Variants in BSN observed in about 807,000 individuals in gnomAD.
BSN encodes bassoon presynaptic cytomatrix protein, also known as protein bassoon.
A neutral mutation model predicts 264.8 loss-of-function variants in BSN; 57 were observed. That is an observed-to-expected ratio of 0.22 (90% confidence interval 0.17 to 0.27). The LOEUF is 0.27. Ranked by LOEUF, BSN falls within the 10% of genes least tolerant of loss-of-function variation. BSN has a pLI of 1.00. For synonymous variants in BSN, 2,059 were observed against 2,137.3 expected, an observed-to-expected ratio of 0.96 and a Z score of 1.01; for missense variants, 4,615 against 5,232.5, an observed-to-expected ratio of 0.88 and a Z score of 3.64.
At position 49,655,785 on chromosome 3, in the gene BSN, G is replaced by A. The variant is rs1216328705; in HGVS notation, c.6229G>A (p.Gly2077Arg). 3.1e-6 allele frequency: 5 copies of A among 1,613,336 alleles called. No homozygotes were observed. Among genetic ancestry groups the A allele is most frequent in the African/African-American group, 1.3e-5 (1 of 74,942 alleles). The change falls in exon 5 of 12, where the codon GGA (glycine) becomes AGA (arginine). Residue 2077 changes from glycine (G) to arginine (R), a missense_variant. Gly to Arg is a moderately radical substitution (Grantham distance 125). This residue lies in a region of BSN where 3,415 missense variants were observed against 3,866.4 expected (regional missense o/e 0.88). Transcript: ENST00000296452. ...IYSDHRYGPR[G>R]DAVGFQEASL... Reference sequence around the variant, plus strand: ...CTCAGACCACAGGTACGGCCCACGGGGAGATGCAGTTGGCTTCCAGGAGGC... The same window carrying A: ...CTCAGACCACAGGTACGGCCCACGGAGAGATGCAGTTGGCTTCCAGGAGGC...
At chr3:49,617,320 A>ATATATATAT (rs1553663322) in intron 1 of BSN, among the ~76,000 whole-genome samples, 16 of 119,814 alleles carry the variant, frequency 1.3e-4, no homozygotes, top group South Asian at 2.4e-4. Context: ...TATATATATA[A>ATATATATAT]TTTTATAATT....
At chr3:49,602,265 G>T (rs558766713) in intron 1 of BSN, among the ~76,000 whole-genome samples, 6 of 152,298 alleles carry the variant, frequency 3.9e-5, no homozygotes, top group Middle Eastern at 3.4e-3. Flanking sequence ...CCCTGGGGCA[G>T]CAGGACAACT....
intron 11 of BSN, among the ~76,000 whole-genome samples, chr3:49,666,399 C>G (rs2052714197): frequency 6.6e-6 from 1 of 152,248 alleles, no homozygotes; most frequent in Admixed American, 6.5e-5. Flanking sequence ...ATGTGCCAGG[C>G]ACTCTTCCAG....
In BSN at chr3:49,661,056, A is replaced by C; in HGVS notation, c.9211A>C (p.Thr3071Pro). ...GTATTCTGCAGGCAGTGGTGGGCCAACTCAGAACGGATTCCCAGCCCACCA... is the reference window on the plus strand; with the variant it reads ...GTATTCTGCAGGCAGTGGTGGGCCACCTCAGAACGGATTCCCAGCCCACCA... ...PQYSAGSGGP[T>P]QNGFPAHQAP... The change falls in exon 6 of 12, where the codon ACT (threonine) becomes CCT (proline). Residue 3071 changes from threonine (T) to proline (P), a missense_variant. Around this residue, in one of 3 missense-constraint regions of BSN, gnomAD observed 3,415 missense variants for 3,866.4 expected, o/e 0.88. Coordinates refer to ENST00000296452, the MANE Select transcript of BSN (RefSeq NM_003458.4). 2 of 1,611,670 alleles carry C rather than the reference A, an allele frequency of 1.2e-6. No homozygotes were observed. Among genetic ancestry groups the C allele is most frequent in the Non-Finnish European group, 1.7e-6 (2 of 1,179,832 alleles).
intron 1 of BSN, among the ~76,000 whole-genome samples, chr3:49,577,120 C>CA (rs2051850575): frequency 1.3e-5 from 2 of 152,188 alleles, no homozygotes; most frequent in Admixed American, 1.3e-4. Flanking sequence ...TGTTACATGC[C>CA]AAACACTGTT....
Position 49,642,476 on chromosome 3 carries a change from C to A in BSN, c.842C>A (p.Thr281Lys). Residue 281 changes from threonine to lysine, a missense_variant, in exon 3 of 12, where the codon ACA (threonine) becomes AAA (lysine). Thr to Lys is a moderately conservative substitution (Grantham distance 78). Transcript: ENST00000296452. This position sits in a 1 kb window ranked among gnomAD's most constrained non-coding sequence, Gnocchi z 7.0. ...GPQPGSRQAE[T>K]ARATSVPGPA... ...CAGCCTGGGTCCCGCCAGGCTGAGACAGCCAGGGCCACCTCAGTGCCGGGG... is the reference window on the plus strand; with the variant it reads ...CAGCCTGGGTCCCGCCAGGCTGAGAAAGCCAGGGCCACCTCAGTGCCGGGG... 1.3e-6 allele frequency: 2 copies of A among 1,579,042 alleles called. No homozygotes were observed. Among genetic ancestry groups the A allele is most frequent in the Non-Finnish European group, 1.7e-6 (2 of 1,164,244 alleles).
chr3:49,592,061 A>T (rs1276120313), intron 1 of BSN, among the ~76,000 whole-genome samples: 1 of 152,054 alleles, frequency 6.6e-6, no homozygotes, highest in African/African-American at 2.4e-5. Flanking sequence ...TTTGAGAGAG[A>T]CAGTTGATTT....
chr3:49,628,470 G>T (rs2052359848), intron 2 of BSN, among the ~76,000 whole-genome samples: 1 of 152,228 alleles, frequency 6.6e-6, no homozygotes, highest in Non-Finnish European at 1.5e-5. Flanking sequence ...TTGGCTAGCA[G>T]CAGTGTCTGA....
At chr3:49,597,993 C>A (rs1055143084) in intron 1 of BSN, among the ~76,000 whole-genome samples, 1 of 152,154 alleles carries the variant, frequency 6.6e-6, no homozygotes, top group African/African-American at 2.4e-5. Context: ...TTTATAATTT[C>A]TCTTTATTGA....
In BSN at chr3:49,656,571, G is replaced by C. The variant is rs771001084; in HGVS notation, c.7015G>C (p.Asp2339His). ...ACTAGCTGGCCAGAAGCCACCAGCA[G>C]ATGCTGCTCCTGGGGGTGGCAGTGG... ...APLAGQKPPA[D>H]AAPGGGSGAL... The change falls in exon 5 of 12, where the codon GAT (aspartate) becomes CAT (histidine). Residue 2339 changes from aspartate to histidine, a missense_variant. Asp to His is a moderately conservative substitution (Grantham distance 81). Coordinates refer to ENST00000296452, the MANE Select transcript of BSN (RefSeq NM_003458.4). 5.7e-6 allele frequency: 9 copies of C among 1,580,298 alleles called. No individual in the cohort carries two copies. The highest frequency in any genetic ancestry group is 6.9e-6 in the Non-Finnish European group (8 of 1,163,214).
chr3:49,606,569 C>T (rs1335131870), intron 1 of BSN, among the ~76,000 whole-genome samples: 1 of 151,686 alleles, frequency 6.6e-6, no homozygotes, highest in African/African-American at 2.4e-5. Flanking sequence ...CCAGCATCTG[C>T]AGTGCAGCCC....
rs1270504428 is a variant in BSN at position 49,660,998 on chromosome 3, C to T, written c.9153C>T (p.Phe3051=). ...APATPSGPTA[F]QQPRFQPPAP... ...CCACCCCCTCTGGTCCCACTGCCTT[C>T]CAGCAGCCCCGCTTCCAGCCTCCAG... Residue 3051 remains phenylalanine, a synonymous_variant, in exon 6 of 12, where the codon TTC becomes TTT. Coordinates refer to ENST00000296452, the MANE Select transcript of BSN (RefSeq NM_003458.4). This position sits in a 1 kb window ranked among gnomAD's most constrained non-coding sequence, Gnocchi z 7.1. 5.0e-6 allele frequency: 8 copies of T among 1,611,184 alleles called. No homozygotes were observed. The highest frequency in any genetic ancestry group is 5.9e-6 in the Non-Finnish European group (7 of 1,179,932).
intron 1 of BSN, among the ~76,000 whole-genome samples, chr3:49,583,473 A>T (rs1056476942): frequency 1.3e-5 from 2 of 152,076 alleles, no homozygotes; most frequent in African/African-American, 4.8e-5. Flanking sequence ...GGCTGGGCAC[A>T]GTGGCTCATG....
chr3:49,619,994 A>G (rs1350293899), intron 1 of BSN, among the ~76,000 whole-genome samples: 1 of 152,062 alleles, frequency 6.6e-6, no homozygotes, highest in Non-Finnish European at 1.5e-5. Flanking sequence ...TGGCAGTTTA[A>G]TGCAGGGATC....
rs186310421 is a variant in BSN at position 49,561,095 on chromosome 3, A to C, written c.224+6269A>C. Among the ~76,000 whole-genome samples, 11 of 152,312 alleles carry C rather than the reference A, an allele frequency of 7.2e-5. No individual in the cohort carries two copies. In the East Asian group the frequency reaches 2.1e-3, roughly 29 times the overall value. Reference sequence around the variant, plus strand: ...GGGGCCCCTACTTCTTTCTAACAAGAGGGTCACATGGAGGCACATGGGAAG... The same window carrying C: ...GGGGCCCCTACTTCTTTCTAACAAGCGGGTCACATGGAGGCACATGGGAAG... On this transcript the variant is annotated intron_variant, in intron 1 of 11. Transcript: ENST00000296452.
intron 1 of BSN, among the ~76,000 whole-genome samples, chr3:49,601,462 CTGAATAAGAGCA>C (rs1456693529): frequency 1.3e-5 from 2 of 152,158 alleles, no homozygotes; most frequent in Non-Finnish European, 2.9e-5. Flanking sequence ...CTGGAGAGAC[CTGAATAAGAGCA>C]TGGCTTCTTT....
chr3:49,661,664 T>C lies in BSN; in HGVS notation c.9819T>C (p.Gly3273=). Residue 3273 remains glycine, a synonymous_variant, in exon 6 of 12, where the codon GGT becomes GGC. Coordinates refer to ENST00000296452, the MANE Select transcript of BSN (RefSeq NM_003458.4). ...CAGGGAAGGAGCCTGGAGAACCAGG[T>C]GTCCTTGACGGGCCCACACTGCCCT... is the stretch of plus-strand genomic sequence containing the variant. ...GRPGKEPGEP[G]VLDGPTLPCC... 1 of 1,613,632 alleles carries C rather than the reference T, an allele frequency of 6.2e-7. No individual in the cohort carries two copies.
intron 1 of BSN, among the ~76,000 whole-genome samples, chr3:49,617,283 T>TTATATATA (rs6147817): frequency 0.023 from 2,718 of 120,640 alleles, 42 homozygotes; most frequent in Non-Finnish European, 0.034. Context: ...ATAAAATACA[T>TTATATATA]TATATATATA....
rs147232999 is a variant in BSN at position 49,622,362 on chromosome 3, T to C, written c.225-2613T>C. 1.3e-3 allele frequency among the ~76,000 whole-genome samples: 195 copies of C among 152,322 alleles called. 1 individual carries two copies. The highest frequency in any genetic ancestry group is 5.6e-3 in the South Asian group (27 of 4,828). ...GTCATGATGGCTACCATGAGGTGTG[T>C]GGGTGCACATCAATGCCAGGAACAC... On this transcript the variant is annotated intron_variant, in intron 1 of 11. Coordinates refer to ENST00000296452, the MANE Select transcript of BSN (RefSeq NM_003458.4).
Sources: gnomAD v4.1 joint callset for allele counts (sites outside exome capture counted in the v4.1 genomes callset) on GRCh38, gnomAD v4.1.1 for gene constraint, gnomAD v4.1.1 regional missense constraint, Gnocchi (gnomAD v3.1) non-coding constraint, MANE v1.5 for transcripts, NCBI Gene and HGNC (gene_info 2026-07-23, HGNC 2026-07-21) for gene names.